The following LDB2 variants were observed in gnomAD, a reference collection of about 807,000 sequenced individuals.
The protein encoded by LDB2 is LIM domain-binding protein 2.
A neutral mutation model predicts 44.3 loss-of-function variants in LDB2; 12 were observed. The observed-to-expected ratio is 0.27, with a 90% CI of 0.17 to 0.44. The LOEUF (loss-of-function observed/expected upper bound fraction) is 0.44, where lower values mean the gene tolerates loss of function less well. Ranked by LOEUF, LDB2 falls within the 20% of genes least tolerant of loss-of-function variation. The probability of loss-of-function intolerance (pLI) is 1.00; values close to 1 mark genes in which losing one functional copy is unlikely to be tolerated. For synonymous variants in LDB2, 164 were observed against 174.8 expected (o/e 0.94, Z 0.49); for missense variants, 344 against 473.5 (o/e 0.73, Z 2.54).
intron 2 of LDB2, chr4:16,752,451 C>G (rs1296524542): frequency 4.4e-6 from 2 of 453,510 alleles, no homozygotes; most frequent in Admixed American, 2.4e-5. Context: ...GTCTTAAATT[C>G]TTGGTTCCTG....
chr4:16,788,485 C>G (rs1774980297), intron 1 of LDB2, among the ~76,000 whole-genome samples: 1 of 152,186 alleles, frequency 6.6e-6, no homozygotes, highest in South Asian at 2.1e-4. Context: ...AGAATCCATT[C>G]AAGTGTCTGA....
intron 2 of LDB2, among the ~76,000 whole-genome samples, chr4:16,631,798 C>G (rs183142400): frequency 0.014 from 2,193 of 152,256 alleles, 32 homozygotes; most frequent in South Asian, 0.046. Context: ...TCAGAGAATG[C>G]TACAAACACC....
chr4:16,772,447 T>C (rs1579522762), intron 1 of LDB2, among the ~76,000 whole-genome samples: 1 of 152,104 alleles, frequency 6.6e-6, no homozygotes, highest in South Asian at 2.1e-4. Context: ...CACATTAATC[T>C]CCCTCTTGAA....
At chr4:16,588,880 C>G (rs1277031770) in intron 3 of LDB2, 48 bp from the exon 4 acceptor site, 1 of 1,602,810 alleles carries the variant, frequency 6.2e-7, no homozygotes, top group East Asian at 2.2e-5. Context: ...TTTGTGAAAG[C>G]CACATTTTGT....
At chr4:16,641,057 A>G (rs994927228) in intron 2 of LDB2, among the ~76,000 whole-genome samples, 1 of 152,216 alleles carries the variant, frequency 6.6e-6, no homozygotes, top group Non-Finnish European at 1.5e-5. Flanking sequence ...GAAAAAAAGA[A>G]CAAAGCCAAG....
In LDB2 at chr4:16,665,759, G is replaced by GA. The variant is rs548565992; in HGVS notation, c.236-69885dup. Among the ~76,000 whole-genome samples, 112 of 149,938 alleles carry GA rather than the reference G, an allele frequency of 7.5e-4. 1 individual carries two copies. The highest frequency in any genetic ancestry group is 2.5e-3 in the African/African-American group (101 of 40,928). ...GAACGTGTAAATGTGACCTTAAATG[G>GA]AAAAAAAAAGGGGTGTCTGAAGATG... On this transcript the variant is annotated intron_variant, in intron 2 of 7. Transcript: ENST00000304523.
intron 5 of LDB2, among the ~76,000 whole-genome samples, chr4:16,553,551 G>A (rs891817547): frequency 1.3e-5 from 2 of 152,118 alleles, no homozygotes; most frequent in African/African-American, 2.4e-5. Context: ...TTTGTTGTTT[G>A]TTTGTTTGTT....
chr4:16,743,873 G>A (rs1451348492), intron 2 of LDB2, among the ~76,000 whole-genome samples: 1 of 152,160 alleles, frequency 6.6e-6, no homozygotes, highest in Non-Finnish European at 1.5e-5. Flanking sequence ...ATACATGTGT[G>A]TCATTTCGAT....
intron 5 of LDB2, among the ~76,000 whole-genome samples, chr4:16,556,398 A>T (rs766304923): frequency 5.3e-4 from 80 of 152,220 alleles, no homozygotes; most frequent in Non-Finnish European, 9.1e-4. Context: ...AGAGCAAGCA[A>T]TACATCTTCC....
At chr4:16,814,895 G>A (rs1021798830) in intron 1 of LDB2, among the ~76,000 whole-genome samples, 8 of 152,040 alleles carry the variant, frequency 5.3e-5, no homozygotes, top group Non-Finnish European at 1.0e-4. Context: ...TTTCTTTTTC[G>A]AACTTGCAGA....
Position 16,533,303 on chromosome 4 carries a change from T to C in LDB2, c.616-21199A>G, listed in dbSNP as rs1437150127. ...ATGTGATTAACCTCTAGTCTGAGGT[T>C]AAGGATCCCACTTCTAAAGTTAAAA... is the stretch of plus-strand genomic sequence containing the variant. On this transcript the variant is annotated intron_variant, in intron 5 of 7. Transcript: ENST00000304523. The surrounding 1 kb of genome is among the most constrained non-coding windows in gnomAD (Gnocchi z 4.1). Among the ~76,000 whole-genome samples the C allele has an allele frequency of 6.6e-6, 1 of 152,152 alleles. No individual in the cohort carries two copies. The highest frequency in any genetic ancestry group is 2.4e-5 in the African/African-American group (1 of 41,436).
chr4:16,554,347 G>A (rs949767680), intron 5 of LDB2, among the ~76,000 whole-genome samples: 3 of 152,124 alleles, frequency 2.0e-5, no homozygotes, highest in African/African-American at 7.2e-5. Flanking sequence ...ACTGCGCCCG[G>A]CCAGCCGAAA....
intron 1 of LDB2, among the ~76,000 whole-genome samples, chr4:16,842,511 C>T (rs1011678886): frequency 1.3e-5 from 2 of 152,076 alleles, no homozygotes; most frequent in Non-Finnish European, 2.9e-5. Context: ...CAAAAATGTG[C>T]TTTAAATTAT....
At chr4:16,766,105 T>C (rs1376147956) in intron 1 of LDB2, among the ~76,000 whole-genome samples, 1 of 152,184 alleles carries the variant, frequency 6.6e-6, no homozygotes, top group Non-Finnish European at 1.5e-5. Flanking sequence ...AGTAATTAAA[T>C]GTTACAAATA....
At chr4:16,749,304 G>A (rs1764977318) in intron 2 of LDB2, among the ~76,000 whole-genome samples, 1 of 151,726 alleles carries the variant, frequency 6.6e-6, no homozygotes, top group South Asian at 2.1e-4. Context: ...GCGGGGTGTG[G>A]TGGCTCATAC....
intron 2 of LDB2, among the ~76,000 whole-genome samples, chr4:16,650,100 G>A (rs1426343126): frequency 6.6e-6 from 1 of 152,182 alleles, no homozygotes; most frequent in Non-Finnish European, 1.5e-5. Context: ...AGCAAGGAGT[G>A]TTAGAAGAAG....
At chr4:16,806,679 G>A (rs1240511738) in intron 1 of LDB2, among the ~76,000 whole-genome samples, 1 of 152,156 alleles carries the variant, frequency 6.6e-6, no homozygotes, top group East Asian at 1.9e-4. Flanking sequence ...CAAGGCCATG[G>A]GACACCTTCA....
chr4:16,846,812 CAA>C (rs1308002930), intron 1 of LDB2, among the ~76,000 whole-genome samples: 2 of 152,140 alleles, frequency 1.3e-5, no homozygotes, highest in African/African-American at 2.4e-5. Context: ...AAAGAGCAGG[CAA>C]AGAGTGCTTT....
intron 2 of LDB2, among the ~76,000 whole-genome samples, chr4:16,720,578 T>C (rs1758055119): frequency 6.6e-6 from 1 of 152,092 alleles, no homozygotes; most frequent in Admixed American, 6.6e-5. Flanking sequence ...CCAGCTCTGA[T>C]CTTCTGGCAT....
Sources: gnomAD v4.1 joint callset for allele counts (sites outside exome capture counted in the v4.1 genomes callset) on GRCh38, gnomAD v4.1.1 for gene constraint, Gnocchi (gnomAD v3.1) non-coding constraint, MANE v1.5 for transcripts, NCBI Gene and HGNC (gene_info 2026-07-23, HGNC 2026-07-21) for gene names.